CSAD: variants seen among roughly 807,000 people sequenced by gnomAD.
The protein encoded by CSAD is cysteine sulfinic acid decarboxylase, also known as P-selectin cytoplasmic tail-associated protein.
CSAD carries 47 observed loss-of-function variants against 61.5 expected under a neutral mutation model. The ratio of observed to expected loss-of-function variants is 0.76; its 90% confidence interval spans 0.60 to 0.97. The LOEUF is 0.97. CSAD is among the 50% of genes least tolerant of loss of function. The probability of loss-of-function intolerance (pLI) is 0.00; values close to 1 mark genes in which losing one functional copy is unlikely to be tolerated. For synonymous variants in CSAD, 245 were observed against 252.7 expected, an observed-to-expected ratio of 0.97 and a Z score of 0.29; for missense variants, 611 against 643.6, an observed-to-expected ratio of 0.95 and a Z score of 0.55.
rs182622688 is a variant in CSAD, at chr12:53,180,415, C to G, written c.-91+317G>C. ...TGAACCAGCTCACCCAGCAAACCCT[C>G]CTCCCATCGAGCACCCAGCGTACAA... On this transcript the variant is annotated intron_variant, in intron 1 of 16. Transcript: ENST00000444623. 7 of 985,338 alleles carry G rather than the reference C, an allele frequency of 7.1e-6. No individual in the cohort carries two copies. In the Admixed American group the frequency reaches 3.7e-4, roughly 52 times the overall value. The allele number at this position is 985,338 out of a possible 1,614,324, so 61.0% of individuals were successfully genotyped here.
chr12:53,172,460 G>A (rs1940702927), intron 5 of CSAD, 24 bp from the exon 6 acceptor site: 1 of 1,614,026 alleles, frequency 6.2e-7, no homozygotes. Flanking sequence ...GTAAGCCAGG[G>A]AGCTCAGAGT....
At chr12:53,174,926 T>C (rs1312791617) in intron 2 of CSAD, among the ~76,000 whole-genome samples, 2 of 152,190 alleles carry the variant, frequency 1.3e-5, no homozygotes, top group Admixed American at 6.5e-5. Flanking sequence ...AAAGGTCTAA[T>C]GGAAGGCAAA....
At chr12:53,170,348 G>T in intron 9 of CSAD, 75 bp downstream of exon 9, 2 of 1,369,154 alleles carry the variant, frequency 1.5e-6, no homozygotes, top group Non-Finnish European at 2.1e-6. Flanking sequence ...AGGGTCTGAT[G>T]CCAGAGCTTT....
intron 10 of CSAD, among the ~76,000 whole-genome samples, chr12:53,165,434 G>A (rs1939804651): frequency 6.6e-6 from 1 of 151,994 alleles, no homozygotes; most frequent in Admixed American, 6.5e-5. Context: ...GCCGAGGCGG[G>A]TGGATCACAA....
At chr12:53,174,224 C>T (rs959841201) in intron 2 of CSAD, among the ~76,000 whole-genome samples, 4 of 150,414 alleles carry the variant, frequency 2.7e-5, no homozygotes, top group Admixed American at 6.7e-5. Context: ...AGGAGAATGG[C>T]GTGAACCCGG....
intron 10 of CSAD, among the ~76,000 whole-genome samples, chr12:53,167,916 A>G (rs1005970571): frequency 6.6e-6 from 1 of 152,212 alleles, no homozygotes; most frequent in Non-Finnish European, 1.5e-5. Flanking sequence ...TCACACAAAA[A>G]TCTGTATACA....
intron 2 of CSAD, chr12:53,178,030 A>G (rs1941238133): frequency 5.7e-6 from 1 of 176,154 alleles, no homozygotes; most frequent in African/African-American, 2.4e-5. Context: ...ACTATTTTTC[A>G]CCCATTAAAC....
At chr12:53,175,783 T>C (rs117431313) in intron 2 of CSAD, among the ~76,000 whole-genome samples, 6 of 152,360 alleles carry the variant, frequency 3.9e-5, no homozygotes, top group Non-Finnish European at 7.3e-5. Context: ...GTAATGATAA[T>C]AGATTTGCAA....
chr12:53,180,701 A>G, intron 1 of CSAD, 31 bp downstream of exon 1: 1 of 1,271,456 alleles, frequency 7.9e-7, no homozygotes, highest in Non-Finnish European at 1.0e-6. Flanking sequence ...CTTCCGGGGA[A>G]ACGGGCCGGG....
intron 16 of CSAD, among the ~76,000 whole-genome samples, chr12:53,159,369 T>C (rs560554979): frequency 1.2e-4 from 19 of 152,310 alleles, no homozygotes; most frequent in African/African-American, 3.1e-4. Flanking sequence ...CCCAGCCCAA[T>C]TGCCAGCACA....
chr12:53,177,623 C>CTATT (rs71443288), intron 2 of CSAD, among the ~76,000 whole-genome samples: 9,614 of 151,594 alleles, frequency 0.063, 374 homozygotes, highest in East Asian at 0.16. Flanking sequence ...GGAGACCCAT[C>CTATT]TATTTATTTA....
At position 53,165,524 on chromosome 12, in the gene CSAD, G is replaced by T. The variant is rs1939821953; in HGVS notation, c.703-4135C>A. ...AAATACAAAAAAAAATTAGCTGGGC[G>T]TGGTGGCGGGAGCCTGTAGTCCCAG... is the stretch of plus-strand genomic sequence containing the variant. On this transcript the variant is annotated intron_variant, in intron 10 of 16. Coordinates refer to ENST00000444623, the MANE Select transcript of CSAD (RefSeq NM_001244705.2). Among the ~76,000 whole-genome samples, 12 of 151,776 alleles carry T rather than the reference G, an allele frequency of 7.9e-5. No homozygotes were observed. The South Asian group carries it at 2.5e-3, about 31-fold the overall frequency.
intron 10 of CSAD, among the ~76,000 whole-genome samples, chr12:53,168,505 T>C (rs1940180832): frequency 6.6e-6 from 1 of 152,182 alleles, no homozygotes; most frequent in Non-Finnish European, 1.5e-5. Context: ...CAATAATATA[T>C]ACTCTTCTAA....
rs202171737 is a variant in CSAD, at chr12:53,159,676, G to T, written c.1255C>A (p.Pro419Thr). The change falls in exon 16 of 17, where the codon CCC becomes ACC. Residue 419 changes from proline (P) to threonine (T), a missense_variant. Physicochemically the swap from Pro to Thr is conservative, Grantham distance 38. Coordinates refer to ENST00000444623, the MANE Select transcript of CSAD (RefSeq NM_001244705.2). ...CTCTCCTGCTTCCCTCGCAGGCTGG[G>T]GGGTACGAACCAGAAACACACATTG... ...FVNVCFWFVP[P>T]SLRGKQESPD... 16 of 1,611,448 alleles carry T rather than the reference G, an allele frequency of 9.9e-6. No individual in the cohort carries two copies. The highest frequency in any genetic ancestry group is 1.3e-5 in the Non-Finnish European group (15 of 1,178,908).
intron 10 of CSAD, among the ~76,000 whole-genome samples, chr12:53,169,018 A>C (rs774827835): frequency 1.6e-4 from 24 of 151,880 alleles, no homozygotes; most frequent in Non-Finnish European, 3.2e-4. Flanking sequence ...CATCTCTACT[A>C]AAAATACAAA....
intron 13 of CSAD, 129 bp from the exon 14 acceptor site, chr12:53,160,448 G>A (rs966950925): frequency 1.2e-4 from 110 of 949,548 alleles, no homozygotes; most frequent in Non-Finnish European, 1.7e-4. Flanking sequence ...CTGCTGGGAC[G>A]GCTGCCTGCT....
At chr12:53,178,913 CACG>C (rs1941317273) in intron 2 of CSAD, among the ~76,000 whole-genome samples, 186 bp downstream of exon 2, 1 of 152,166 alleles carries the variant, frequency 6.6e-6, no homozygotes, top group South Asian at 2.1e-4. Context: ...CCAGGAAAGG[CACG>C]ACTCTCGCCT....
intron 1 of CSAD, chr12:53,179,714 A>AT: frequency 8.1e-7 from 1 of 1,241,916 alleles, no homozygotes; most frequent in South Asian, 1.3e-5. Context: ...TTCATCATAC[A>AT]GTTTTTTTTT....
chr12:53,180,445 C>G (rs1444257467), intron 1 of CSAD: 1 of 1,179,674 alleles, frequency 8.5e-7, no homozygotes, highest in Admixed American at 4.4e-5. Flanking sequence ...GTACAATCAT[C>G]GAAGGGCCGA....
Sources: allele counts gnomAD v4.1 joint callset (sites outside exome capture counted in the v4.1 genomes callset), GRCh38; gene constraint gnomAD v4.1.1; transcripts MANE v1.5; gene names NCBI Gene and HGNC (gene_info 2026-07-23, HGNC 2026-07-21).